The following BEST1 variants were observed in gnomAD, a reference collection of about 807,000 sequenced individuals.
BEST1 encodes bestrophin-1.
BEST1 carries 58 observed loss-of-function variants against 63.3 expected under a neutral mutation model. The ratio of observed to expected loss-of-function variants is 0.92; its 90% CI spans 0.74 to 1.14. The LOEUF (loss-of-function observed/expected upper bound fraction) is 1.14, where lower values mean the gene tolerates loss of function less well. BEST1 is among the 50% of genes most tolerant of loss of function. The pLI, the probability that BEST1 is intolerant of heterozygous loss-of-function variation, is 0.00. For synonymous variants in BEST1, 283 were observed against 291.6 expected (o/e 0.97, Z 0.30); for missense variants, 671 against 740.1 (o/e 0.91, Z 1.08).
chr11:61,962,283 C>T lies in BEST1; in HGVS notation c.1129C>T (p.Pro377Ser). Residue 377 changes from proline (P) to serine (S), a missense_variant, in exon 10 of 11, where the codon CCC (proline) becomes TCC (serine). Coordinates refer to ENST00000378043, the MANE Select transcript of BEST1 (RefSeq NM_004183.4). ...SLNKEEMEFQPNQEDEEDAHA... is the reference protein window; with the variant it reads ...SLNKEEMEFQSNQEDEEDAHA... ...GAACAAAGAGGAGATGGAGTTCCAGCCCAATCAGGAGGACGAGGAGGATGC... is the reference window on the plus strand; with the variant it reads ...GAACAAAGAGGAGATGGAGTTCCAGTCCAATCAGGAGGACGAGGAGGATGC... The T allele has an allele frequency of 6.2e-7, 1 of 1,614,140 alleles. No homozygotes were observed. The highest frequency in any genetic ancestry group is 8.5e-7 in the Non-Finnish European group (1 of 1,180,014).
At chr11:61,955,654 C>T in intron 3 of BEST1, 64 bp from the exon 4 acceptor site, 10 of 1,492,120 alleles carry the variant, frequency 6.7e-6, no homozygotes, top group Non-Finnish European at 8.2e-6. Flanking sequence ...TCGCCGGGCG[C>T]TGGGCCCTGG....
intron 3 of BEST1, 139 bp from the exon 4 acceptor site, chr11:61,955,579 G>A (rs945259125): frequency 1.0e-5 from 11 of 1,088,940 alleles, no homozygotes; most frequent in Non-Finnish European, 1.3e-5. Context: ...TCTCGCTCCC[G>A]AGCGCCTTCC....
At chr11:61,956,112 G>A (rs1436177027) in intron 4 of BEST1, among the ~76,000 whole-genome samples, 161 bp downstream of exon 4, 3 of 152,156 alleles carry the variant, frequency 2.0e-5, no homozygotes, top group Non-Finnish European at 4.4e-5. Flanking sequence ...CAATTGGGCG[G>A]GACAGAGTCG....
chr11:61,963,380 G>C, intron 10 of BEST1: 1 of 1,253,030 alleles, frequency 8.0e-7, no homozygotes. Context: ...CCTAGGAACT[G>C]GTAGATGGTG....
intron 5 of BEST1, 111 bp downstream of exon 5, chr11:61,957,109 C>T (rs1166162573): frequency 6.6e-7 from 1 of 1,522,380 alleles, no homozygotes; most frequent in Non-Finnish European, 8.9e-7. Context: ...CTTCCGAGAG[C>T]CTGAGGTGGG....
At chr11:61,955,024 C>T in intron 2 of BEST1, 83 bp from the exon 3 acceptor site, 1 of 1,586,358 alleles carries the variant, frequency 6.3e-7, no homozygotes, top group South Asian at 1.1e-5. Flanking sequence ...CCCACTCCTA[C>T]CCAGGGCCGG....
chr11:61,955,693 CTCG>C, intron 3 of BEST1, 22 bp from the exon 4 acceptor site: 9 of 1,529,336 alleles, frequency 5.9e-6, no homozygotes, highest in Middle Eastern at 2.3e-4. Flanking sequence ...CCCCTCGCCC[CTCG>C]CCCCCCGCCC....
At position 61,964,138 on chromosome 11, in the gene BEST1, G is replaced by A. The variant is rs1415783994; in HGVS notation, c.*16G>A. ...ACATTCCTAACCTGCTTCCTAATGG[G>A]GATGCTTCGCCAGCCAGGTCCTCAC... On this transcript the variant is annotated 3_prime_UTR_variant, in exon 11 of 11. Transcript: ENST00000378043. 1.2e-6 allele frequency: 2 copies of A among 1,613,864 alleles called. No individual in the cohort carries two copies. Among genetic ancestry groups the A allele is most frequent in the East Asian group, 2.2e-5 (1 of 44,888 alleles).
At position 61,951,973 on chromosome 11, in the gene BEST1, G is replaced by A. The variant is rs1488178170; in HGVS notation, c.152+15G>A. 2.5e-6 allele frequency: 4 copies of A among 1,612,822 alleles called. No individual in the cohort carries two copies. The highest frequency in any genetic ancestry group is 2.5e-6 in the Non-Finnish European group (3 of 1,179,836). ...TTTATTTATAGGTAAAGCTGGCAGG[G>A]CTGGGCCGGGGGGCCTGGGAAGGAT... On this transcript the variant is annotated intron_variant, in intron 2 of 10. Transcript: ENST00000378043.
Position 61,964,423 on chromosome 11 carries a change from T to C in BEST1, c.*301T>C, listed in dbSNP as rs1942385312. 8.1e-6 allele frequency: 5 copies of C among 618,052 alleles called. No individual in the cohort carries two copies. The highest frequency in any genetic ancestry group is 1.4e-5 in the Non-Finnish European group (5 of 357,204). 38.3% of individuals were successfully genotyped at this position (618,052 alleles called of 1,614,324 possible). On this transcript the variant is annotated 3_prime_UTR_variant, in exon 11 of 11. Transcript: ENST00000378043. ...CCAAGACAGCCACACCTTAGTATAC[T>C]GCCCAAACTAATGAGTTTAATAAAT...
chr11:61,964,217 A>G lies in BEST1; in HGVS notation c.*95A>G, dbSNP rs1942370115. 6.3e-7 allele frequency: 1 copy of G among 1,598,054 alleles called. No individual in the cohort carries two copies. Among genetic ancestry groups the G allele is most frequent in the South Asian group, 1.1e-5 (1 of 89,466 alleles). ...CAGTCACAGCCATACAGCTGTCCAC[A>G]CTGAAGAACATGTCCTACAACAGCC... On this transcript the variant is annotated 3_prime_UTR_variant, in exon 11 of 11. Coordinates refer to ENST00000378043, the MANE Select transcript of BEST1 (RefSeq NM_004183.4).
Position 61,955,841 on chromosome 11 carries a change from T to A in BEST1, c.371T>A (p.Leu124Gln), listed in dbSNP as rs2134430916. The change falls in exon 4 of 11, where the codon CTG becomes CAG. Residue 124 changes from leucine (L) to glutamine (Q), a missense_variant. Leu to Gln is a moderately radical substitution (Grantham distance 113). Transcript: ENST00000378043. ...GGCAAGGACGAGCAAGGCCGGCTGC[T>A]GCGGCGCACGCTCATCCGCTACGCC... ...VEGKDEQGRL[L>Q]RRTLIRYANL... 3.2e-6 allele frequency: 5 copies of A among 1,550,502 alleles called. No individual in the cohort carries two copies. The highest frequency in any genetic ancestry group is 1.7e-6 in the Non-Finnish European group (2 of 1,146,908).
rs1941333047 is a variant in BEST1, at chr11:61,956,189, G to A, written c.481+238G>A. On this transcript the variant is annotated intron_variant, in intron 4 of 10. Transcript: ENST00000378043. The stretch of plus-strand genomic sequence containing the variant: ...GAGTAGGAGTCTGAGGCAGGGCTAA[G>A]GACCCTTGAGGGATAATGGAAAGAA... Among the ~76,000 whole-genome samples the A allele has an allele frequency of 2.0e-5, 3 of 152,222 alleles. No individual in the cohort carries two copies. In the South Asian group the frequency reaches 6.2e-4, roughly 32 times the overall value.
chr11:61,965,191 TG>T (rs1942423671), downstream of BEST1: 1 of 1,599,304 alleles, frequency 6.3e-7, no homozygotes. Flanking sequence ...CACCACGTTT[TG>T]GCAAAAGGGA....
At chr11:61,962,980 A>G (rs568960530) in intron 10 of BEST1, 87 bp downstream of exon 10, 2 of 1,609,802 alleles carry the variant, frequency 1.2e-6, no homozygotes, top group African/African-American at 1.3e-5. Context: ...TTCCTCCACA[A>G]TTTCCTAGGG....
At chr11:61,955,246 G>A in intron 3 of BEST1, 45 bp downstream of exon 3, 1 of 1,614,042 alleles carries the variant, frequency 6.2e-7, no homozygotes. Context: ...TGGCCGCCCA[G>A]GCTCCAGACA....
rs778715415 is a variant in BEST1 at position 61,958,235 on chromosome 11, G to C, written c.804G>C (p.Glu268Asp). Residue 268 changes from glutamate (E) to aspartate (D), a missense_variant, in exon 7 of 11, where the codon GAG (glutamate) becomes GAC (aspartate). Coordinates refer to ENST00000378043, the MANE Select transcript of BEST1 (RefSeq NM_004183.4). The part of the protein sequence containing the change: ...LNPAKAYPGH[E>D]LDLVVPVFTF... ...CAGCCAAGGCCTACCCTGGCCATGA[G>C]CTGGACCTCGTTGTGCCCGTCTTCA... 1.9e-6 allele frequency: 3 copies of C among 1,614,212 alleles called. No individual in the cohort carries two copies. Among genetic ancestry groups the C allele is most frequent in the Middle Eastern group, 3.3e-4 (2 of 6,062 alleles).
intron 7 of BEST1, chr11:61,958,794 A>T: frequency 1.4e-5 from 4 of 289,598 alleles, no homozygotes; most frequent in Non-Finnish European, 1.3e-5. Flanking sequence ...TTGCCCACCC[A>T]CTCTCTCTCC....
At chr11:61,957,532 G>A (rs188021101) in intron 6 of BEST1, 68 bp downstream of exon 6, 1 of 1,473,788 alleles carries the variant, frequency 6.8e-7, no homozygotes, top group East Asian at 2.3e-5. Context: ...GAAGCAGCTG[G>A]GGTGGGAAGG....
Sources: allele counts gnomAD v4.1 joint callset (sites outside exome capture counted in the v4.1 genomes callset), GRCh38; gene constraint gnomAD v4.1.1; transcripts MANE v1.5; gene names NCBI Gene and HGNC (gene_info 2026-07-23, HGNC 2026-07-21).